Variants in FANCD2 observed in about 807,000 individuals in gnomAD.
FANCD2 encodes the protein Fanconi anemia group D2 protein.
A neutral mutation model predicts 192.3 loss-of-function variants in FANCD2; 131 were observed. The ratio of observed to expected loss-of-function variants is 0.68; its 90% CI spans 0.59 to 0.79. The LOEUF (loss-of-function observed/expected upper bound fraction) is 0.79. Ranked by LOEUF, FANCD2 falls within the 30% of genes least tolerant of loss-of-function variation. The probability of loss-of-function intolerance (pLI) is 0.00; values close to 1 mark genes in which losing one functional copy is unlikely to be tolerated. For synonymous variants in FANCD2, 524 were observed against 612.5 expected (o/e 0.86, Z 2.13); for missense variants, 1,508 against 1,701.6 (o/e 0.89, Z 2.00).
rs541939200 is a variant in FANCD2 at position 10,031,359 on chromosome 3, C to T, written c.65-1473C>T. Among the ~76,000 whole-genome samples the T allele has an allele frequency of 8.6e-4, 131 of 152,062 alleles. 1 individual carries two copies. Among genetic ancestry groups the T allele is most frequent in the Non-Finnish European group, 8.8e-4 (60 of 67,992 alleles). ...TCTACTAAAAATACAAAAAATTAGC[C>T]GGGCGTGGTGGTGTGCACCTGTAGT... On this transcript the variant is annotated intron_variant, in intron 2 of 43. Transcript: ENST00000675286.
intron 33 of FANCD2, 119 bp from the exon 34 acceptor site, chr3:10,087,015 G>C: frequency 9.3e-7 from 1 of 1,075,984 alleles, no homozygotes; most frequent in Non-Finnish European, 1.4e-6. Context: ...TGAAAATAAG[G>C]AGGATTCTGA....
intron 3 of FANCD2, among the ~76,000 whole-genome samples, chr3:10,033,353 A>T (rs1479959395): frequency 6.6e-6 from 1 of 152,152 alleles, no homozygotes; most frequent in Non-Finnish European, 1.5e-5. Context: ...GTGAGTCAAG[A>T]TCGCACCACT....
Position 10,046,672 on chromosome 3 carries a change from A to G in FANCD2, c.1227A>G (p.Ser409=). 2 of 1,614,252 alleles carry G rather than the reference A, an allele frequency of 1.2e-6. No individual in the cohort carries two copies. The highest frequency in any genetic ancestry group is 1.7e-6 in the Non-Finnish European group (2 of 1,180,026). The part of the protein sequence containing the change: ...IDRVLRNKIR[S]GCIQEQLLQS... Reference sequence around the variant, plus strand: ...GGGTGCTAAGAAATAAGATTCGATCAGGCTGCATTCAAGAACAGCTGCTCC... The same window carrying G: ...GGGTGCTAAGAAATAAGATTCGATCGGGCTGCATTCAAGAACAGCTGCTCC... Residue 409 remains serine, a synonymous_variant, in exon 15 of 44, where the codon TCA becomes TCG. Coordinates refer to ENST00000675286, the MANE Select transcript of FANCD2 (RefSeq NM_001018115.3).
chr3:10,085,394 CTTTTT>C (rs1242296810), intron 32 of FANCD2, among the ~76,000 whole-genome samples: 1 of 136,934 alleles, frequency 7.3e-6, no homozygotes. Context: ...TTTTTTCTTT[CTTTTT>C]TTTTTTTTTT....
intron 18 of FANCD2, among the ~76,000 whole-genome samples, chr3:10,054,473 A>ATAT (rs1234910933): frequency 2.6e-3 from 22 of 8,414 alleles, no homozygotes; most frequent in Non-Finnish European, 3.2e-3. Context: ...ATATATATAT[A>ATAT]TTTTTTTTTT....
rs202003085 is a variant in FANCD2 at position 10,041,641 on chromosome 3, T to C, written c.714T>C (p.Asn238=). The part of the protein sequence containing the change: ...GKELSDLLIE[N]TSLTVPILDV... ...TTCACAGTGACCTACTGATAGAGAA[T>C]ACTTCACTCACTGTCCCAATCCTGG... The change falls in exon 10 of 44, where the codon AAT becomes AAC. Residue 238 remains asparagine (N), a synonymous_variant. Transcript: ENST00000675286. 7.0e-5 allele frequency: 113 copies of C among 1,613,540 alleles called. No homozygotes were observed. Among genetic ancestry groups the C allele is most frequent in the Non-Finnish European group, 9.4e-5 (111 of 1,179,532 alleles).
chr3:10,090,192 G>C (rs778701257), intron 36 of FANCD2, 100 bp from the exon 37 acceptor site: 1 of 796,124 alleles, frequency 1.3e-6, no homozygotes, highest in East Asian at 2.6e-5. Flanking sequence ...AGGACATTTA[G>C]AGAGGTAGGG....
intron 18 of FANCD2, among the ~76,000 whole-genome samples, chr3:10,057,604 C>T (rs1429346842): frequency 6.6e-6 from 1 of 152,160 alleles, no homozygotes; most frequent in Non-Finnish European, 1.5e-5. Context: ...ACCTCATGAT[C>T]TGCCTGTCTC....
intron 32 of FANCD2, among the ~76,000 whole-genome samples, chr3:10,085,578 G>A (rs978768390): frequency 6.6e-6 from 1 of 151,862 alleles, no homozygotes; most frequent in African/African-American, 2.4e-5. Context: ...TTTTAGTAGA[G>A]ACGGGATTTC....
At chr3:10,078,229 A>T in intron 30 of FANCD2, 32 bp downstream of exon 30, 1 of 1,425,432 alleles carries the variant, frequency 7.0e-7, no homozygotes, top group Non-Finnish European at 9.9e-7. Context: ...GGACTTGGGC[A>T]TAGTGGATTT....
intron 30 of FANCD2, among the ~76,000 whole-genome samples, chr3:10,079,645 G>C (rs978839809): frequency 6.6e-6 from 1 of 152,078 alleles, no homozygotes; most frequent in African/African-American, 2.4e-5. Flanking sequence ...ATTTCTAAAT[G>C]CCCTGAACAT....
rs762406982 is a variant in FANCD2, at chr3:10,047,956, C to T, written c.1318C>T (p.Gln440Ter). The T allele has an allele frequency of 1.9e-6, 3 of 1,613,688 alleles. No homozygotes were observed. The East Asian group carries it at 6.7e-5, about 36-fold the overall frequency. Residue 440 changes from glutamine (Q) to a stop codon, truncating the protein, a stop_gained, in exon 16 of 44, where the codon CAG (glutamine) becomes TAG (stop). Transcript: ENST00000675286. LOFTEE classifies it high-confidence loss of function. The stretch of plus-strand genomic sequence containing the variant: ...GTGTTCATCCATTCTGTCGCTGGCT[C>T]AGAGTTTGCTTCACTCTCTAGACCA... The part of the protein sequence containing the change: ...DMCSSILSLA[Q>*]SLLHSLDQSI...
intron 26 of FANCD2, among the ~76,000 whole-genome samples, chr3:10,069,673 G>A (rs1473724432): frequency 4.6e-5 from 7 of 152,052 alleles, no homozygotes; most frequent in South Asian, 4.2e-4. Context: ...TGTGTTGGCC[G>A]GGCCGGTCTC....
Position 10,036,292 on chromosome 3 carries a change from C to T in FANCD2, c.444C>T (p.Ala148=). Residue 148 remains alanine (A), a synonymous_variant, in exon 7 of 44, where the codon GCC becomes GCT. Coordinates refer to ENST00000675286, the MANE Select transcript of FANCD2 (RefSeq NM_001018115.3). Reference sequence around the variant, plus strand: ...CCCTATGTCTTCTTTTTTAGCCTGCCATTATCAAAACCTTATTTGAGAAGT... The same window carrying T: ...CCCTATGTCTTCTTTTTTAGCCTGCTATTATCAAAACCTTATTTGAGAAGT... The part of the protein sequence containing the change: ...LLLGIDILQP[A]IIKTLFEKLP... 6.2e-7 allele frequency: 1 copy of T among 1,611,550 alleles called. No homozygotes were observed. The highest frequency in any genetic ancestry group is 1.1e-5 in the South Asian group (1 of 91,020).
chr3:10,041,497 G>T, intron 9 of FANCD2, 126 bp from the exon 10 acceptor site: 1 of 704,370 alleles, frequency 1.4e-6, no homozygotes, highest in Non-Finnish European at 2.6e-6. Flanking sequence ...TACTATAAAC[G>T]GTAACTTAAT....
chr3:10,069,047 A>T (rs1239884046), intron 26 of FANCD2, among the ~76,000 whole-genome samples: 4 of 152,190 alleles, frequency 2.6e-5, no homozygotes, highest in African/African-American at 9.7e-5. Context: ...AACAACAACA[A>T]CAAAAAACAT....
At chr3:10,039,895 C>G in intron 9 of FANCD2, 50 bp downstream of exon 9, 1 of 1,610,808 alleles carries the variant, frequency 6.2e-7, no homozygotes, top group South Asian at 1.1e-5. Context: ...TATGGGGGTT[C>G]TATCACTGCA....
Position 10,088,641 on chromosome 3 carries a change from T to A in FANCD2, c.3560+99T>A, listed in dbSNP as rs1694385700. 1.7e-5 allele frequency: 19 copies of A among 1,101,782 alleles called. No homozygotes were observed. The South Asian group carries it at 2.4e-4, about 14-fold the overall frequency. The allele number at this position is 1,101,782 out of a possible 1,614,324, so 68.3% of individuals were successfully genotyped here. On this transcript the variant is annotated intron_variant, in intron 35 of 43. Transcript: ENST00000675286. ...GACAAATGACCTTTTTAGTGGGAAT[T>A]TGAAAACAATGAAGTAGGTTAAAAA...
chr3:10,064,281 G>A, intron 21 of FANCD2, 75 bp from the exon 22 acceptor site: 1 of 994,060 alleles, frequency 1.0e-6, no homozygotes, highest in Non-Finnish European at 1.6e-6. Context: ...ACTTAGAAAG[G>A]TTAAGAGTAA....
Sources: allele counts gnomAD v4.1 joint callset (sites outside exome capture counted in the v4.1 genomes callset), GRCh38; gene constraint gnomAD v4.1.1; transcripts MANE v1.5; gene names NCBI Gene and HGNC (gene_info 2026-07-23, HGNC 2026-07-21).